CFAP20DC: variants seen among roughly 807,000 people sequenced by gnomAD.
CFAP20DC encodes protein CFAP20DC.
In CFAP20DC, 84 loss-of-function variants were observed where a neutral mutation model predicts 101.7. The ratio of observed to expected loss-of-function variants is 0.83; its 90% CI spans 0.69 to 0.99. The LOEUF is 0.99. Ranked by LOEUF, CFAP20DC falls within the 50% of genes least tolerant of loss-of-function variation. The pLI is 0.00. For synonymous variants in CFAP20DC, 359 were observed against 351.2 expected, an observed-to-expected ratio of 1.02 and a Z score of -0.25; for missense variants, 1,007 against 970.3, an observed-to-expected ratio of 1.04 and a Z score of -0.50.
chr3:58,996,757 T>C lies in CFAP20DC; in HGVS notation c.278+42800A>G, dbSNP rs546169524. 2.0e-5 allele frequency among the ~76,000 whole-genome samples: 3 copies of C among 152,344 alleles called. No homozygotes were observed. In the South Asian group the frequency reaches 6.2e-4, roughly 32 times the overall value. ...TCCAAAGAAGGAAGGAGAGTGCTGA[T>C]TTATATTGTGGCCCAAGTTCCTTAT... On this transcript the variant is annotated intron_variant, in intron 4 of 16. Transcript: ENST00000482387.
rs755584811 is a variant in CFAP20DC at position 58,916,683 on chromosome 3, T to C, written c.394-2819A>G. ...TGAATCAATTTCCTGGGAAAACAGA[T>C]GGGGGTGGTTTCTAAAAAAGATGGA... is the stretch of plus-strand genomic sequence containing the variant. On this transcript the variant is annotated intron_variant, in intron 5 of 16. Coordinates refer to ENST00000482387, the MANE Select transcript of CFAP20DC (RefSeq NM_001394063.1). 5.3e-5 allele frequency among the ~76,000 whole-genome samples: 8 copies of C among 152,106 alleles called. No individual in the cohort carries two copies. The South Asian group carries it at 1.0e-3, about 20-fold the overall frequency.
At chr3:58,903,480 A>G (rs541117781) in intron 6 of CFAP20DC, among the ~76,000 whole-genome samples, 1 of 152,312 alleles carries the variant, frequency 6.6e-6, no homozygotes, top group African/African-American at 2.4e-5. Flanking sequence ...GCTGCTATGA[A>G]GAAATATCCA....
intron 14 of CFAP20DC, among the ~76,000 whole-genome samples, chr3:58,810,259 A>G (rs2074498559): frequency 6.6e-6 from 1 of 152,110 alleles, no homozygotes; most frequent in Non-Finnish European, 1.5e-5. Flanking sequence ...AAAAAAGAGA[A>G]TTTTAGACCA....
chr3:58,899,065 A>G lies in CFAP20DC; in HGVS notation c.551-14356T>C, dbSNP rs1457088230. On this transcript the variant is annotated intron_variant, in intron 6 of 16. Transcript: ENST00000482387. The surrounding 1 kb of genome is among the most constrained non-coding windows in gnomAD (Gnocchi z 5.0). ...AATGTCAGCCTGTTCTTTCCTCTGG[A>G]ATCTCCATCCCAGGGGGGTACTGAC... Among the ~76,000 whole-genome samples, 1 of 152,064 alleles carries G rather than the reference A, an allele frequency of 6.6e-6. No individual in the cohort carries two copies. The highest frequency in any genetic ancestry group is 6.5e-5 in the Admixed American group (1 of 15,274).
rs567512570 is a variant in CFAP20DC at position 59,019,739 on chromosome 3, A to G, written c.278+19818T>C. Among the ~76,000 whole-genome samples the G allele has an allele frequency of 1.6e-4, 25 of 152,230 alleles. No homozygotes were observed. The South Asian group carries it at 4.1e-3, about 25-fold the overall frequency. Reference sequence around the variant, plus strand: ...GATGTCATGTATTTGCTTTTGGTGTATACTTTAAGATAGCAGTTTTCAAAA... The same window carrying G: ...GATGTCATGTATTTGCTTTTGGTGTGTACTTTAAGATAGCAGTTTTCAAAA... On this transcript the variant is annotated intron_variant, in intron 4 of 16. Transcript: ENST00000482387.
chr3:59,022,119 A>G (rs1232371224), intron 4 of CFAP20DC, among the ~76,000 whole-genome samples: 1 of 152,106 alleles, frequency 6.6e-6, no homozygotes, highest in Non-Finnish European at 1.5e-5. Context: ...TGCATTTGAG[A>G]GTCCAAAGTA....
intron 15 of CFAP20DC, among the ~76,000 whole-genome samples, chr3:58,785,027 C>T (rs758934223): frequency 3.3e-5 from 5 of 152,072 alleles, no homozygotes; most frequent in Non-Finnish European, 5.9e-5. Flanking sequence ...AAGGAATCAA[C>T]CTAAGTGTCC....
intron 3 of CFAP20DC, among the ~76,000 whole-genome samples, chr3:58,731,518 A>T (rs958417953): frequency 2.0e-5 from 3 of 152,220 alleles, no homozygotes; most frequent in Non-Finnish European, 4.4e-5. Flanking sequence ...CACCAGGGGA[A>T]TGGGAAGAGT....
intron 4 of CFAP20DC, among the ~76,000 whole-genome samples, chr3:59,028,711 A>G (rs1439333686): frequency 6.6e-6 from 1 of 152,204 alleles, no homozygotes; most frequent in Non-Finnish European, 1.5e-5. Context: ...GTTCCCTCAA[A>G]TAATAAAACA....
chr3:58,907,111 GTGTGTA>G (rs892962090), intron 6 of CFAP20DC, among the ~76,000 whole-genome samples: 4 of 152,108 alleles, frequency 2.6e-5, no homozygotes, highest in African/African-American at 9.6e-5. Context: ...GTGTGTGTGT[GTGTGTA>G]TGTATGTGTG....
chr3:58,928,546 A>G (rs1053349371), intron 5 of CFAP20DC, among the ~76,000 whole-genome samples: 1 of 152,196 alleles, frequency 6.6e-6, no homozygotes, highest in Non-Finnish European at 1.5e-5. Context: ...TCACAAAACT[A>G]GTAAGTATCA....
intron 4 of CFAP20DC, among the ~76,000 whole-genome samples, chr3:58,982,682 G>T (rs1181670763): frequency 7.8e-6 from 1 of 127,836 alleles, no homozygotes; most frequent in Non-Finnish European, 1.6e-5. Context: ...ACAGGAAGGG[G>T]AACATCACAC....
intron 6 of CFAP20DC, among the ~76,000 whole-genome samples, chr3:58,910,867 T>C (rs1467134969): frequency 1.3e-5 from 2 of 151,912 alleles, no homozygotes; most frequent in African/African-American, 4.8e-5. Flanking sequence ...ATACCCAATG[T>C]CCATCATTAA....
At chr3:58,985,697 T>A (rs139934801) in intron 4 of CFAP20DC, among the ~76,000 whole-genome samples, 1 of 152,294 alleles carries the variant, frequency 6.6e-6, no homozygotes, top group Non-Finnish European at 1.5e-5. Flanking sequence ...GTTAGCAACA[T>A]CCCCTATTCC....
At chr3:58,758,708 C>A (rs1384121973) in intron 15 of CFAP20DC, among the ~76,000 whole-genome samples, 1 of 152,074 alleles carries the variant, frequency 6.6e-6, no homozygotes, top group Non-Finnish European at 1.5e-5. Context: ...CCACAACAGG[C>A]CCCAGTGTGT....
intron 6 of CFAP20DC, among the ~76,000 whole-genome samples, chr3:58,905,043 C>A (rs180909972): frequency 6.6e-6 from 1 of 152,174 alleles, no homozygotes; most frequent in African/African-American, 2.4e-5. Flanking sequence ...GGGTCTATGC[C>A]TTCCAGGGCC....
intron 14 of CFAP20DC, among the ~76,000 whole-genome samples, chr3:58,808,328 C>G (rs1269826034): frequency 1.3e-5 from 2 of 152,158 alleles, no homozygotes; most frequent in Non-Finnish European, 2.9e-5. Context: ...GGTCGGGGTA[C>G]CCACAAAGGG....
At position 59,007,506 on chromosome 3, in the gene CFAP20DC, G is replaced by T. The variant is rs1462616742; in HGVS notation, c.278+32051C>A. Among the ~76,000 whole-genome samples, 1 of 152,212 alleles carries T rather than the reference G, an allele frequency of 6.6e-6. No individual in the cohort carries two copies. On this transcript the variant is annotated intron_variant, in intron 4 of 16. Transcript: ENST00000482387. This position sits in a 1 kb window ranked among gnomAD's most constrained non-coding sequence, Gnocchi z 4.4. ...AGAAAACAACAGCTATGGCTAACAA[G>T]AGGGCCTGAGTCTGTCCATGCGACA...
intron 12 of CFAP20DC, among the ~76,000 whole-genome samples, chr3:58,852,083 G>C (rs1475917155): frequency 6.6e-6 from 1 of 152,072 alleles, no homozygotes; most frequent in Non-Finnish European, 1.5e-5. Context: ...CTGCTGACTG[G>C]TCCACTTTTG....
Sources: gnomAD v4.1 joint callset for allele counts (sites outside exome capture counted in the v4.1 genomes callset) on GRCh38, gnomAD v4.1.1 for gene constraint, Gnocchi (gnomAD v3.1) non-coding constraint, MANE v1.5 for transcripts, NCBI Gene and HGNC (gene_info 2026-07-23, HGNC 2026-07-21) for gene names.